Variants in AGBL1 observed in about 807,000 individuals in gnomAD.
AGBL1 encodes the protein AGBL carboxypeptidase 1.
Under a neutral mutation model 118.9 loss-of-function variants are expected in AGBL1, and 130 were observed. That is an observed-to-expected ratio of 1.09 (90% CI 0.95 to 1.26). The LOEUF (loss-of-function observed/expected upper bound fraction) is 1.26. Ranked by LOEUF, AGBL1 falls within the 50% of genes most tolerant of loss-of-function variation. The pLI, the probability that AGBL1 is intolerant of heterozygous loss-of-function variation, is 0.00. For synonymous variants in AGBL1, 555 were observed against 478.9 expected (o/e 1.16, Z -2.08); for missense variants, 1,584 against 1,298.1 (o/e 1.22, Z -3.38).
chr15:86,142,855 C>T (rs1464584738), intron 2 of AGBL1, among the ~76,000 whole-genome samples: 1 of 152,174 alleles, frequency 6.6e-6, no homozygotes, highest in South Asian at 2.1e-4. Flanking sequence ...ACTCTTAAGA[C>T]AAAACCTTGA....
chr15:86,797,258 T>G (rs1008426545), intron 22 of AGBL1, among the ~76,000 whole-genome samples: 1 of 152,238 alleles, frequency 6.6e-6, no homozygotes, highest in African/African-American at 2.4e-5. Flanking sequence ...ACTGACATTT[T>G]GTGGGTATGC....
intron 24 of AGBL1, among the ~76,000 whole-genome samples, chr15:87,025,238 C>A (rs1017667471): frequency 3.3e-5 from 5 of 152,000 alleles, no homozygotes; most frequent in African/African-American, 4.8e-5. Context: ...ACCCTAAAGA[C>A]TCCTCCAGAA....
intron 22 of AGBL1, among the ~76,000 whole-genome samples, chr15:86,815,935 T>G (rs528261156): frequency 6.6e-6 from 1 of 152,158 alleles, no homozygotes; most frequent in Non-Finnish European, 1.5e-5. Flanking sequence ...AAGCATAAAG[T>G]AAGTTCGTTG....
intron 19 of AGBL1, among the ~76,000 whole-genome samples, chr15:86,523,292 G>T (rs1473869425): frequency 6.6e-6 from 1 of 152,198 alleles, no homozygotes; most frequent in Non-Finnish European, 1.5e-5. Flanking sequence ...GCTTGTGGCA[G>T]TGTAACTCTA....
intron 17 of AGBL1, among the ~76,000 whole-genome samples, chr15:86,312,845 C>G (rs774213685): frequency 2.6e-5 from 4 of 152,184 alleles, no homozygotes; most frequent in Non-Finnish European, 5.9e-5. Flanking sequence ...CTGTCACTGT[C>G]TCCCCTCAGG....
chr15:86,380,680 T>A (rs1483602248), intron 17 of AGBL1, among the ~76,000 whole-genome samples: 1 of 152,130 alleles, frequency 6.6e-6, no homozygotes, highest in African/African-American at 2.4e-5. Flanking sequence ...AAGAAGTATT[T>A]CCATTAACTT....
At chr15:86,192,168 A>G (rs2077734068) in intron 5 of AGBL1, among the ~76,000 whole-genome samples, 1 of 151,412 alleles carries the variant, frequency 6.6e-6, no homozygotes, top group Non-Finnish European at 1.5e-5. Context: ...ACACACACAC[A>G]TGCACACACA....
intron 18 of AGBL1, among the ~76,000 whole-genome samples, chr15:86,493,958 C>A (rs1003957218): frequency 6.6e-6 from 1 of 151,984 alleles, no homozygotes; most frequent in African/African-American, 2.4e-5. Flanking sequence ...TTTCTTTTCT[C>A]ATCCTCTTTA....
chr15:86,436,621 C>T (rs1384793524), intron 18 of AGBL1, among the ~76,000 whole-genome samples: 1 of 152,098 alleles, frequency 6.6e-6, no homozygotes, highest in African/African-American at 2.4e-5. Context: ...AGAGACATGA[C>T]CTTTGCTGCC....
chr15:86,228,830 A>C (rs1474233096), intron 6 of AGBL1, among the ~76,000 whole-genome samples: 1 of 152,216 alleles, frequency 6.6e-6, no homozygotes, highest in Non-Finnish European at 1.5e-5. Context: ...ATAGCAGGCA[A>C]AATAAACCTG....
chr15:86,478,770 G>A (rs2082600648), intron 18 of AGBL1, among the ~76,000 whole-genome samples: 1 of 152,094 alleles, frequency 6.6e-6, no homozygotes, highest in Non-Finnish European at 1.5e-5. Flanking sequence ...AACCCACATT[G>A]CCAAGACAAT....
intron 24 of AGBL1, among the ~76,000 whole-genome samples, chr15:87,019,749 A>G (rs2081643195): frequency 6.6e-6 from 1 of 152,162 alleles, no homozygotes; most frequent in African/African-American, 2.4e-5. Flanking sequence ...AAAACATTGC[A>G]AAAGACAATA....
Position 86,196,879 on chromosome 15 carries a change from GCACACACACA to G in AGBL1, c.489-27997_489-27988del, listed in dbSNP as rs59632011. Among the ~76,000 whole-genome samples the G allele has an allele frequency of 3.6e-3, 425 of 117,006 alleles. 3 individuals carry two copies. Among genetic ancestry groups the G allele is most frequent in the Middle Eastern group, 4.6e-3 (1 of 216 alleles). The allele number at this position is 117,006 out of a possible 152,430, so 76.8% of individuals were successfully genotyped here. ...CGAATGTGCACATGTGCGCGCGCGCGCACACACACACACACACACACACACACACACACAC... is the reference window on the plus strand; with the variant it reads ...CGAATGTGCACATGTGCGCGCGCGCGCACACACACACACACACACACACAC... On this transcript the variant is annotated intron_variant, in intron 5 of 22. Coordinates refer to ENST00000614907, the MANE Select transcript of AGBL1 (RefSeq NM_001386094.1).
chr15:86,586,111 A>G (rs1212736723), intron 21 of AGBL1, among the ~76,000 whole-genome samples: 1 of 152,176 alleles, frequency 6.6e-6, no homozygotes, highest in Non-Finnish European at 1.5e-5. Context: ...TCTGAGAGAT[A>G]ATGCTTTCTA....
chr15:86,441,739 C>T (rs2082067001), intron 18 of AGBL1, among the ~76,000 whole-genome samples: 1 of 152,146 alleles, frequency 6.6e-6, no homozygotes, highest in Admixed American at 6.5e-5. Context: ...GGGTCCATTA[C>T]CAGAGATGAA....
In AGBL1 at chr15:86,625,385, GT is replaced by G. The variant is rs3083710; in HGVS notation, c.2995-48873del. Among the ~76,000 whole-genome samples, 9 of 68,172 alleles carry G rather than the reference GT, an allele frequency of 1.3e-4. No individual in the cohort carries two copies. In the East Asian group the frequency reaches 1.8e-3, roughly 14 times the overall value. 44.7% of individuals were successfully genotyped at this position (68,172 alleles called of 152,430 possible). Reference sequence around the variant, plus strand: ...TTAGCGTTTTTTTTTTTTTGTTTTTGTTTTTTTTTTTTTTTACAAACACAGA... The same window carrying G: ...TTAGCGTTTTTTTTTTTTTGTTTTTGTTTTTTTTTTTTTTACAAACACAGA... On this transcript the variant is annotated intron_variant, in intron 21 of 22. Transcript: ENST00000614907.
At chr15:86,303,782 A>G (rs557809374) in intron 17 of AGBL1, among the ~76,000 whole-genome samples, 2 of 152,200 alleles carry the variant, frequency 1.3e-5, no homozygotes, top group Admixed American at 6.5e-5. Context: ...AAATTTGTTC[A>G]TGTGATATAA....
intron 22 of AGBL1, among the ~76,000 whole-genome samples, chr15:86,820,311 G>A (rs971048163): frequency 2.0e-5 from 3 of 152,152 alleles, no homozygotes; most frequent in African/African-American, 7.2e-5. Flanking sequence ...TTAAACTAAA[G>A]AGCTTCTGCA....
At chr15:86,507,768 G>T (rs1391397143) in intron 18 of AGBL1, among the ~76,000 whole-genome samples, 2 of 152,000 alleles carry the variant, frequency 1.3e-5, no homozygotes, top group African/African-American at 4.8e-5. Flanking sequence ...GAAGATAGTG[G>T]CTTAGACAGG....
Sources: allele counts gnomAD v4.1 joint callset (sites outside exome capture counted in the v4.1 genomes callset), GRCh38; gene constraint gnomAD v4.1.1; transcripts MANE v1.5; gene names NCBI Gene and HGNC (gene_info 2026-07-23, HGNC 2026-07-21).